CILK1: variants seen among roughly 807,000 people sequenced by gnomAD.
CILK1 encodes the protein serine/threonine-protein kinase ICK.
A neutral mutation model predicts 79.2 loss-of-function variants in CILK1; 47 were observed. The ratio of observed to expected loss-of-function variants is 0.59; its 90% CI spans 0.47 to 0.76. The LOEUF (loss-of-function observed/expected upper bound fraction) is 0.76. Among genes scored for constraint, CILK1 ranks in the 30% least tolerant of loss-of-function variants. CILK1 has a pLI of 0.00. For missense variants in CILK1, 660 were observed against 769.5 expected, an observed-to-expected ratio of 0.86 and a Z score of 1.68; for synonymous variants, 266 against 275.9, an observed-to-expected ratio of 0.96 and a Z score of 0.36.
chr6:53,046,296 C>G (rs1362130832), intron 1 of CILK1, among the ~76,000 whole-genome samples: 2 of 152,148 alleles, frequency 1.3e-5, no homozygotes, highest in African/African-American at 4.8e-5. Flanking sequence ...TTCCCTCATG[C>G]TTTTTGCAAT....
intron 1 of CILK1, among the ~76,000 whole-genome samples, chr6:53,054,920 A>C (rs1767744881): frequency 6.6e-6 from 1 of 152,226 alleles, no homozygotes; most frequent in Non-Finnish European, 1.5e-5. Flanking sequence ...AGCCTAAAAA[A>C]TGGAGGCGAG....
rs537595526 is a variant in CILK1, at chr6:53,006,531, T to A, written c.1622-94A>T. ...ACAGCACTGCAGAGCAATAACAAAC[T>A]AAGTTTTTACTTTTAGGGAAAAGAG... On this transcript the variant is annotated intron_variant, in intron 12 of 13. Coordinates refer to ENST00000676107, the MANE Select transcript of CILK1 (RefSeq NM_014920.5). 2.8e-4 allele frequency: 401 copies of A among 1,414,512 alleles called. 3 individuals carry two copies. In the South Asian group the frequency reaches 4.5e-3, roughly 16 times the overall value. 87.6% of individuals were successfully genotyped at this position (1,414,512 alleles called of 1,614,324 possible). A position where few individuals can be genotyped will look rare whatever the true frequency, so the allele number is the denominator to read the frequency against.
chr6:53,034,276 T>C (rs1766164785), intron 3 of CILK1, among the ~76,000 whole-genome samples: 1 of 152,210 alleles, frequency 6.6e-6, no homozygotes, highest in South Asian at 2.1e-4. Context: ...TTTGGAGCCA[T>C]GAATTACTGG....
intron 1 of CILK1, among the ~76,000 whole-genome samples, chr6:53,058,147 G>T (rs1390730790): frequency 6.6e-6 from 1 of 152,144 alleles, no homozygotes; most frequent in Non-Finnish European, 1.5e-5. Flanking sequence ...AGAAAATCAG[G>T]AATAGAAGCC....
chr6:53,052,728 C>G lies in CILK1; in HGVS notation c.-173+8868G>C, dbSNP rs1341574256. Among the ~76,000 whole-genome samples, 4 of 132,060 alleles carry G rather than the reference C, an allele frequency of 3.0e-5. No individual in the cohort carries two copies. The Admixed American group carries it at 3.0e-4, about 10-fold the overall frequency. 86.6% of individuals were successfully genotyped at this position (132,060 alleles called of 152,430 possible). A position where few individuals can be genotyped will look rare whatever the true frequency, so the allele number is the denominator to read the frequency against. ...CCTGGGACAGAGTGAGATTCTGTCT[C>G]AAAAAAAAAAAAATCAATAAATAAA... is the stretch of plus-strand genomic sequence containing the variant. On this transcript the variant is annotated intron_variant, in intron 1 of 13. Coordinates refer to ENST00000676107, the MANE Select transcript of CILK1 (RefSeq NM_014920.5).
rs190271054 is a variant in CILK1, at chr6:53,026,285, C to G, written c.358+4780G>C. The stretch of plus-strand genomic sequence containing the variant: ...GTTCAAGCTATTCTCCTGCCTTAGC[C>G]TCCCAAGTAGCTGGGATTATGACCA... On this transcript the variant is annotated intron_variant, in intron 5 of 13. Transcript: ENST00000676107. Among the ~76,000 whole-genome samples the G allele has an allele frequency of 7.2e-5, 11 of 152,262 alleles. No homozygotes were observed. The East Asian group carries it at 1.9e-3, about 27-fold the overall frequency.
intron 5 of CILK1, among the ~76,000 whole-genome samples, chr6:53,022,585 A>G (rs1765314950): frequency 6.6e-6 from 1 of 152,222 alleles, no homozygotes; most frequent in Non-Finnish European, 1.5e-5. Context: ...TTGTCTAACA[A>G]CACATTTCTC....
At chr6:53,056,417 A>G (rs528140219) in intron 1 of CILK1, among the ~76,000 whole-genome samples, 1 of 152,340 alleles carries the variant, frequency 6.6e-6, no homozygotes, top group South Asian at 2.1e-4. Flanking sequence ...TGTAGCATGA[A>G]AGCAGTCAAA....
intron 12 of CILK1, among the ~76,000 whole-genome samples, chr6:53,008,490 A>G (rs1197049400): frequency 6.6e-6 from 1 of 151,788 alleles, no homozygotes; most frequent in African/African-American, 2.4e-5. Context: ...CAGTGGCGCA[A>G]TCTTGGCTCA....
At chr6:53,018,994 T>C (rs1218886350) in intron 6 of CILK1, among the ~76,000 whole-genome samples, 1 of 152,212 alleles carries the variant, frequency 6.6e-6, no homozygotes, top group Non-Finnish European at 1.5e-5. Flanking sequence ...GGAAGGCCTA[T>C]ATATAAAATT....
intron 3 of CILK1, among the ~76,000 whole-genome samples, chr6:53,037,626 A>G (rs1766444878): frequency 6.6e-6 from 1 of 152,168 alleles, no homozygotes; most frequent in African/African-American, 2.4e-5. Flanking sequence ...TCTAGGAAAA[A>G]CACTCAACAA....
intron 5 of CILK1, among the ~76,000 whole-genome samples, chr6:53,029,382 C>T (rs1254808191): frequency 6.6e-6 from 1 of 152,210 alleles, no homozygotes; most frequent in African/African-American, 2.4e-5. Flanking sequence ...TCAGAGAAAA[C>T]TTGTACTAGA....
In CILK1 at chr6:53,039,140, C is replaced by G. The variant is rs73740912; in HGVS notation, c.102-1147G>C. ...TGCCCGAAATATTATTTAGCCCCTG[C>G]TATGTAGTACAGTAGGTGCCTTGTC... On this transcript the variant is annotated intron_variant, in intron 2 of 13. Transcript: ENST00000676107. 4.9e-3 allele frequency among the ~76,000 whole-genome samples: 744 copies of G among 152,286 alleles called. 4 individuals are homozygous for G. The highest frequency in any genetic ancestry group is 0.016 in the African/African-American group (667 of 41,566).
intron 7 of CILK1, among the ~76,000 whole-genome samples, chr6:53,017,888 A>G (rs563041150): frequency 2.6e-5 from 4 of 152,336 alleles, no homozygotes; most frequent in Admixed American, 2.6e-4. Context: ...GGAGAATGAA[A>G]GAAGGAAGCT....
At chr6:53,038,020 CA>C (rs768923382) in intron 2 of CILK1, 27 bp from the exon 3 acceptor site, 1 of 1,478,208 alleles carries the variant, frequency 6.8e-7, no homozygotes, top group South Asian at 1.1e-5. Flanking sequence ...AAACAAACAG[CA>C]CACTTATTCT....
chr6:53,009,602 A>G, intron 11 of CILK1, 35 bp from the exon 12 acceptor site: 1 of 1,551,254 alleles, frequency 6.4e-7, no homozygotes, highest in African/African-American at 1.4e-5. Flanking sequence ...AATGCAAAAT[A>G]CACAATGAAT....
At position 53,006,372 on chromosome 6, in the gene CILK1, C is replaced by A. The variant is rs1385476388; in HGVS notation, c.1687G>T (p.Glu563Ter). The A allele has an allele frequency of 6.2e-7, 1 of 1,613,930 alleles. No individual in the cohort carries two copies. The highest frequency in any genetic ancestry group is 1.7e-5 in the Admixed American group (1 of 60,014). The change falls in exon 13 of 14, where the codon GAA becomes TAA. Residue 563 changes from glutamate to a stop codon, truncating the protein, a stop_gained. Transcript: ENST00000676107. LOFTEE classifies it high-confidence loss of function. The part of the protein sequence containing the change: ...GNYVPSFLKK[E>*]IGSAMQRVHL... ...ACCCTCTGCATAGCAGAACCGATTTCTTTTTTCAGAAAGGAAGGGACATAG... is the reference window on the plus strand; with the variant it reads ...ACCCTCTGCATAGCAGAACCGATTTATTTTTTCAGAAAGGAAGGGACATAG...
chr6:53,013,136 C>A lies in CILK1; in HGVS notation c.1152+526G>T, dbSNP rs183522396. ...AACCCTGTCTGGTAGGTAAGACATG[C>A]ACTATAATCTTCCTTTGATAAATGA... On this transcript the variant is annotated intron_variant, in intron 9 of 13. Coordinates refer to ENST00000676107, the MANE Select transcript of CILK1 (RefSeq NM_014920.5). Among the ~76,000 whole-genome samples, 4 of 152,296 alleles carry A rather than the reference C, an allele frequency of 2.6e-5. No individual in the cohort carries two copies. The East Asian group carries it at 5.8e-4, about 22-fold the overall frequency.
At chr6:53,012,819 AG>A (rs1764655772) in intron 9 of CILK1, among the ~76,000 whole-genome samples, 2 of 152,214 alleles carry the variant, frequency 1.3e-5, no homozygotes, top group African/African-American at 4.8e-5. Context: ...TAACTGACAC[AG>A]AAAGTGCCAC....
Sources: allele counts gnomAD v4.1 joint callset (sites outside exome capture counted in the v4.1 genomes callset), GRCh38; gene constraint gnomAD v4.1.1; transcripts MANE v1.5; gene names NCBI Gene and HGNC (gene_info 2026-07-23, HGNC 2026-07-21).